The following COL12A1 variants were observed in gnomAD, a reference collection of about 807,000 sequenced individuals.
COL12A1 encodes collagen type XII alpha 1 chain.
COL12A1 carries 114 observed loss-of-function variants against 349.7 expected under a neutral mutation model. The observed-to-expected ratio is 0.33, with a 90% confidence interval of 0.28 to 0.38. The LOEUF (loss-of-function observed/expected upper bound fraction) is 0.38, where lower values mean the gene tolerates loss of function less well. Ranked by LOEUF, COL12A1 falls within the 10% of genes least tolerant of loss-of-function variation. The pLI is 1.00. For synonymous variants in COL12A1, 1,369 were observed against 1,329.0 expected, an observed-to-expected ratio of 1.03 and a Z score of -0.66; for missense variants, 3,284 against 3,756.9, an observed-to-expected ratio of 0.87 and a Z score of 3.29.
intron 23 of COL12A1, among the ~76,000 whole-genome samples, chr6:75,146,727 CA>C (rs1767211984): frequency 6.6e-6 from 1 of 152,090 alleles, no homozygotes; most frequent in Non-Finnish European, 1.5e-5. Flanking sequence ...ACCCATGAAG[CA>C]GAGGAAAAAG....
chr6:75,145,457 T>C lies in COL12A1; in HGVS notation c.4561-2A>G. 6.2e-7 allele frequency: 1 copy of C among 1,613,102 alleles called. No homozygotes were observed. Among genetic ancestry groups the C allele is most frequent in the South Asian group, 1.1e-5 (1 of 90,878 alleles). On this transcript the variant is annotated splice_acceptor_variant, in intron 24 of 65. Transcript: ENST00000322507. LOFTEE classifies it high-confidence loss of function. ...ATTCACTGTTGGCCCCAAACGCACC[T>C]GCACATGGATATGTGGAGCAGAAAT...
chr6:75,193,070 ATAAATAAT>A (rs1286194364), intron 3 of COL12A1, among the ~76,000 whole-genome samples: 1 of 152,148 alleles, frequency 6.6e-6, no homozygotes, highest in Admixed American at 6.6e-5. Context: ...TCATCAAAAT[ATAAATAAT>A]TAGGAAAGAT....
At chr6:75,119,668 A>G (rs747535142) in intron 44 of COL12A1, among the ~76,000 whole-genome samples, 195 bp from the exon 45 acceptor site, 45 of 152,174 alleles carry the variant, frequency 3.0e-4, no homozygotes, top group African/African-American at 9.4e-4. Context: ...TTAATTTTCA[A>G]TCTTCAATGA....
At chr6:75,161,361 T>C (rs1481536758) in intron 14 of COL12A1, among the ~76,000 whole-genome samples, 2 of 152,232 alleles carry the variant, frequency 1.3e-5, no homozygotes, top group Admixed American at 6.5e-5. Flanking sequence ...TGTATTTTAC[T>C]AGCATTATTA....
intron 49 of COL12A1, among the ~76,000 whole-genome samples, chr6:75,114,052 A>C (rs998387725): frequency 2.0e-5 from 3 of 151,872 alleles, no homozygotes; most frequent in Admixed American, 2.0e-4. Context: ...CTTTTATCCT[A>C]CTATTAATAA....
intron 44 of COL12A1, 38 bp downstream of exon 44, chr6:75,121,264 C>A: frequency 4.0e-6 from 6 of 1,512,678 alleles, no homozygotes; most frequent in Non-Finnish European, 5.4e-6. Flanking sequence ...AAAGGCAAGA[C>A]ATCACAAATG....
At chr6:75,182,095 C>CAA (rs66532054) in intron 10 of COL12A1, among the ~76,000 whole-genome samples, 1 of 103,050 alleles carries the variant, frequency 9.7e-6, no homozygotes, top group African/African-American at 3.6e-5. Flanking sequence ...GACCCTGTCT[C>CAA]AAAAAAAAAA....
intron 46 of COL12A1, 50 bp downstream of exon 46, chr6:75,118,993 T>C (rs763096060): frequency 6.8e-6 from 11 of 1,610,536 alleles, no homozygotes; most frequent in Non-Finnish European, 7.6e-6. Context: ...TTTGTGAACA[T>C]TTAAAAATGT....
rs753544863 is a variant in COL12A1 at position 75,156,531 on chromosome 6, A to G, written c.2984-8T>C. The G allele has an allele frequency of 1.9e-6, 3 of 1,612,636 alleles. No individual in the cohort carries two copies. The Admixed American group carries it at 5.0e-5, about 27-fold the overall frequency. On this transcript the variant is annotated splice_region_variant and splice_polypyrimidine_tract_variant and intron_variant, in intron 14 of 65. Transcript: ENST00000322507. ...TTTTGGAATCTTGAGATACTGGGAG[A>G]TAAAAGGAAGATTAAACTGTATACC...
chr6:75,152,393 T>C lies in COL12A1; in HGVS notation c.3655A>G (p.Arg1219Gly). The C allele has an allele frequency of 6.2e-7, 1 of 1,613,702 alleles. No individual in the cohort carries two copies. Among genetic ancestry groups the C allele is most frequent in the South Asian group, 1.1e-5 (1 of 91,084 alleles). ...SIGRANFRTV[R>G]SFISRIVEVF... ...TCCACAATACGAGAAATGAAACTCC[T>C]CACGGTTCTAAAATTTGCCCGGCCG... The change falls in exon 18 of 66, where the codon AGG (arginine) becomes GGG (glycine). Residue 1219 changes from arginine to glycine, a missense_variant. Arg to Gly is a moderately radical substitution (Grantham distance 125). Coordinates refer to ENST00000322507, the MANE Select transcript of COL12A1 (RefSeq NM_004370.6).
chr6:75,102,816 G>T (rs1275938346), intron 55 of COL12A1, 124 bp from the exon 56 acceptor site: 2 of 479,184 alleles, frequency 4.2e-6, no homozygotes, highest in Non-Finnish European at 7.0e-6. Flanking sequence ...AAACTTTTAA[G>T]AATCTACATC....
At chr6:75,202,615 C>A in intron 2 of COL12A1, 105 bp downstream of exon 2, 1 of 1,142,232 alleles carries the variant, frequency 8.8e-7, no homozygotes, top group African/African-American at 1.6e-5. Flanking sequence ...GGAGAAAGCA[C>A]GAAGCGCAGG....
At chr6:75,162,701 A>G (rs1297963086) in intron 14 of COL12A1, among the ~76,000 whole-genome samples, 1 of 152,250 alleles carries the variant, frequency 6.6e-6, no homozygotes, top group Non-Finnish European at 1.5e-5. Flanking sequence ...CAGCAAAAGA[A>G]ACTATCATCA....
At chr6:75,184,556 C>T (rs1202857448) in intron 8 of COL12A1, among the ~76,000 whole-genome samples, 7 of 152,114 alleles carry the variant, frequency 4.6e-5, no homozygotes, top group African/African-American at 1.7e-4. Flanking sequence ...CTCTTAATAA[C>T]ATCATAAAAG....
intron 65 of COL12A1, among the ~76,000 whole-genome samples, chr6:75,086,803 A>C (rs956812939): frequency 6.6e-6 from 1 of 151,928 alleles, no homozygotes; most frequent in Non-Finnish European, 1.5e-5. Context: ...TTTTGGTCAT[A>C]TGTAATTATG....
rs1467078008 is a variant in COL12A1 at position 75,125,261 on chromosome 6, G to A, written c.6473C>T (p.Pro2158Leu). The change falls in exon 40 of 66, where the codon CCC becomes CTC. Residue 2158 changes from proline to leucine, a missense_variant. Coordinates refer to ENST00000322507, the MANE Select transcript of COL12A1 (RefSeq NM_004370.6). ...IVYKPVGSNE[P>L]MEAFVGEMTS... ...CATTTCTCCAACAAAGGCTTCCATGGGCTCATTGGAACCTTTATTAACAAC... is the reference window on the plus strand; with the variant it reads ...CATTTCTCCAACAAAGGCTTCCATGAGCTCATTGGAACCTTTATTAACAAC... 1.9e-6 allele frequency: 3 copies of A among 1,604,954 alleles called. No homozygotes were observed. Among genetic ancestry groups the A allele is most frequent in the Non-Finnish European group, 2.6e-6 (3 of 1,175,794 alleles).
rs778643905 is a variant in COL12A1, at chr6:75,175,088, T to C, written c.2660A>G (p.Tyr887Cys). Reference sequence around the variant, plus strand: ...GAGGGCGTCTCCAGCCCCAGACGCATACAAGGCTGTCACAGATAAGGCGTA... The same window carrying C: ...GAGGGCGTCTCCAGCCCCAGACGCACACAAGGCTGTCACAGATAAGGCGTA... Reference protein sequence around the residue: ...TQYALSVTALYASGAGDALFG... With the variant: ...TQYALSVTALCASGAGDALFG... Residue 887 changes from tyrosine (Y) to cysteine (C), a missense_variant, in exon 13 of 66, where the codon TAT (tyrosine) becomes TGT (cysteine). By Grantham distance (194) the Tyr-to-Cys change is radical. Transcript: ENST00000322507. The C allele has an allele frequency of 6.2e-7, 1 of 1,614,206 alleles. No individual in the cohort carries two copies. Among genetic ancestry groups the C allele is most frequent in the East Asian group, 2.2e-5 (1 of 44,872 alleles).
chr6:75,127,266 CTT>C (rs1766066097), intron 38 of COL12A1, among the ~76,000 whole-genome samples: 1 of 152,100 alleles, frequency 6.6e-6, no homozygotes, highest in Non-Finnish European at 1.5e-5. Flanking sequence ...TTAAAATCAT[CTT>C]GAGTCATGTG....
At position 75,121,361 on chromosome 6, in the gene COL12A1, C is replaced by T. The variant is rs201828973; in HGVS notation, c.7027G>A (p.Val2343Ile). Residue 2343 changes from valine (V) to isoleucine (I), a missense_variant, in exon 44 of 66, where the codon GTA (valine) becomes ATA (isoleucine). Coordinates refer to ENST00000322507, the MANE Select transcript of COL12A1 (RefSeq NM_004370.6). Reference sequence around the variant, plus strand: ...CCCACAGTATTGAAGATGAATTTTACAACTTTGTTAAAATTATCGTCCCCA... The same window carrying T: ...CCCACAGTATTGAAGATGAATTTTATAACTTTGTTAAAATTATCGTCCCCA... ...SIGDDNFNKVVKFIFNTVGGF... is the reference protein window; with the variant it reads ...SIGDDNFNKVIKFIFNTVGGF... 5 of 1,612,046 alleles carry T rather than the reference C, an allele frequency of 3.1e-6. No homozygotes were observed. The African/African-American group carries it at 5.3e-5, about 17-fold the overall frequency.
Sources: gnomAD v4.1 joint callset for allele counts (sites outside exome capture counted in the v4.1 genomes callset) on GRCh38, gnomAD v4.1.1 for gene constraint, MANE v1.5 for transcripts, NCBI Gene and HGNC (gene_info 2026-07-23, HGNC 2026-07-21) for gene names.